The following AGBL1 variants were observed in gnomAD, a reference collection of about 807,000 sequenced individuals.
AGBL1 encodes the protein cytosolic carboxypeptidase 4.
A neutral mutation model predicts 118.9 loss-of-function variants in AGBL1; 130 were observed. The ratio of observed to expected loss-of-function variants is 1.09; its 90% CI spans 0.95 to 1.26. The LOEUF is 1.26. Among genes scored for constraint, AGBL1 ranks in the 50% most tolerant of loss-of-function variants. The pLI is 0.00. For synonymous variants in AGBL1, 555 were observed against 478.9 expected, an observed-to-expected ratio of 1.16 and a Z score of -2.08; for missense variants, 1,584 against 1,298.1, an observed-to-expected ratio of 1.22 and a Z score of -3.38.
chr15:86,149,767 G>C (rs2077082222), intron 3 of AGBL1, among the ~76,000 whole-genome samples: 2 of 152,084 alleles, frequency 1.3e-5, no homozygotes, highest in African/African-American at 2.4e-5. Context: ...CAGCTCTGCA[G>C]CAAGCAGACC....
intron 18 of AGBL1, among the ~76,000 whole-genome samples, chr15:86,428,686 A>T (rs1422810591): frequency 6.6e-6 from 1 of 152,242 alleles, no homozygotes; most frequent in African/African-American, 2.4e-5. Context: ...GGGGCTGTTA[A>T]TCATGAGGAT....
intron 1 of AGBL1, among the ~76,000 whole-genome samples, chr15:86,085,467 T>C (rs1056292608): frequency 6.6e-6 from 1 of 152,146 alleles, no homozygotes; most frequent in Non-Finnish European, 1.5e-5. Flanking sequence ...TTCCTGCGTG[T>C]GAGTGGTGGA....
intron 21 of AGBL1, among the ~76,000 whole-genome samples, chr15:86,636,893 A>G (rs2085106523): frequency 6.6e-6 from 1 of 151,172 alleles, no homozygotes; most frequent in Non-Finnish European, 1.5e-5. Context: ...ATCAGTGCCA[A>G]TTATATATAG....
chr15:86,855,490 T>C (rs186103494), intron 22 of AGBL1, among the ~76,000 whole-genome samples: 1 of 152,310 alleles, frequency 6.6e-6, no homozygotes, highest in East Asian at 1.9e-4. Context: ...TCTTGCTGAA[T>C]CACTGGAACA....
intron 22 of AGBL1, among the ~76,000 whole-genome samples, chr15:86,833,039 G>A (rs1418147676): frequency 6.6e-6 from 1 of 152,126 alleles, no homozygotes; most frequent in African/African-American, 2.4e-5. Flanking sequence ...AGCATTTGCA[G>A]GGGAACTCCC....
At chr15:87,024,248 A>G (rs1446181756) in intron 24 of AGBL1, among the ~76,000 whole-genome samples, 2 of 152,024 alleles carry the variant, frequency 1.3e-5, no homozygotes, top group Non-Finnish European at 2.9e-5. Context: ...AAGATTAACC[A>G]AGAAGAGAGA....
chr15:86,481,992 T>C (rs1273508452), intron 18 of AGBL1, among the ~76,000 whole-genome samples: 4 of 152,138 alleles, frequency 2.6e-5, no homozygotes, highest in Non-Finnish European at 4.4e-5. Flanking sequence ...AAGTAATGTA[T>C]AGATGCTGCC....
intron 22 of AGBL1, among the ~76,000 whole-genome samples, chr15:86,771,054 A>G (rs2078172185): frequency 6.6e-6 from 1 of 152,048 alleles, no homozygotes; most frequent in Non-Finnish European, 1.5e-5. Flanking sequence ...TTCCTCAGCC[A>G]CAGTCTAGAG....
At chr15:86,464,213 A>G (rs1044179976) in intron 18 of AGBL1, among the ~76,000 whole-genome samples, 3 of 152,116 alleles carry the variant, frequency 2.0e-5, no homozygotes, top group African/African-American at 7.2e-5. Flanking sequence ...TGGGAATGGG[A>G]GTTTGCTCAT....
At chr15:86,359,264 T>C (rs928562537) in intron 17 of AGBL1, among the ~76,000 whole-genome samples, 2 of 151,962 alleles carry the variant, frequency 1.3e-5, no homozygotes, top group African/African-American at 4.8e-5. Context: ...AATACCATTT[T>C]CTGAAGAGAC....
chr15:86,441,731 G>T (rs2082066908), intron 18 of AGBL1, among the ~76,000 whole-genome samples: 1 of 152,204 alleles, frequency 6.6e-6, no homozygotes, highest in African/African-American at 2.4e-5. Flanking sequence ...CAACCAAAGG[G>T]TCCATTACCA....
At chr15:86,676,287 A>G (rs1273433581) in intron 22 of AGBL1, among the ~76,000 whole-genome samples, 2 of 152,058 alleles carry the variant, frequency 1.3e-5, no homozygotes, top group African/African-American at 4.8e-5. Context: ...TTTGTATGGT[A>G]ATATATTTTC....
intron 18 of AGBL1, among the ~76,000 whole-genome samples, chr15:86,399,879 G>A (rs2081419494): frequency 6.6e-6 from 1 of 152,044 alleles, no homozygotes; most frequent in Non-Finnish European, 1.5e-5. Flanking sequence ...CATTTATATA[G>A]CATCTTTCAT....
intron 1 of AGBL1, among the ~76,000 whole-genome samples, chr15:86,133,362 A>G (rs1290734697): frequency 6.6e-6 from 1 of 152,022 alleles, no homozygotes; most frequent in Non-Finnish European, 1.5e-5. Context: ...CTTAAGTGTT[A>G]CTTCTTAAGG....
chr15:86,729,267 C>G (rs752462003), intron 22 of AGBL1, among the ~76,000 whole-genome samples: 1 of 152,164 alleles, frequency 6.6e-6, no homozygotes, highest in Admixed American at 6.5e-5. Context: ...CTGAAATCTT[C>G]GCTTTTTCTT....
chr15:86,573,196 A>G (rs771292016), intron 21 of AGBL1, among the ~76,000 whole-genome samples: 4 of 152,238 alleles, frequency 2.6e-5, no homozygotes, highest in Non-Finnish European at 5.9e-5. Context: ...AGGGCAGATA[A>G]TAGCCATTTC....
chr15:86,712,640 G>A (rs1190774510), intron 22 of AGBL1, among the ~76,000 whole-genome samples: 1 of 152,176 alleles, frequency 6.6e-6, no homozygotes, highest in African/African-American at 2.4e-5. Flanking sequence ...AGCAGTGATG[G>A]AAAGAGCTAA....
At chr15:86,447,752 A>G (rs12148640) in intron 18 of AGBL1, among the ~76,000 whole-genome samples, 21,451 of 152,134 alleles carry the variant, frequency 0.14, 2,038 homozygotes, top group African/African-American at 0.26. Flanking sequence ...CCAGCGCGGA[A>G]TATCTGGAGT....
chr15:86,465,305 A>G (rs745595355), intron 18 of AGBL1, among the ~76,000 whole-genome samples: 15 of 152,118 alleles, frequency 9.9e-5, no homozygotes, highest in Non-Finnish European at 2.1e-4. Flanking sequence ...CAATCCTGTC[A>G]TCTTCATAAG....
Sources: allele counts gnomAD v4.1 joint callset (sites outside exome capture counted in the v4.1 genomes callset), GRCh38; gene constraint gnomAD v4.1.1; transcripts MANE v1.5; gene names NCBI Gene and HGNC (gene_info 2026-07-23, HGNC 2026-07-21).